ACYP2: variants seen among roughly 807,000 people sequenced by gnomAD.
ACYP2 encodes the protein acylphosphatase 2, also known as acylphosphatase-2.
A neutral mutation model predicts 11.2 loss-of-function variants in ACYP2; 12 were observed. That is an observed-to-expected ratio of 1.08 (90% CI 0.69 to 1.74). The LOEUF (loss-of-function observed/expected upper bound fraction) is 1.74, where lower values mean the gene tolerates loss of function less well. Among genes scored for constraint, ACYP2 ranks in the 40% most tolerant of loss-of-function variants. The pLI is 0.00. For missense variants in ACYP2, 134 were observed against 101.9 expected (o/e 1.31, Z -1.35); for synonymous variants, 43 against 32.2 (o/e 1.33, Z -1.13).
At position 54,042,822 on chromosome 2, in the gene ACYP2, G is replaced by A. The variant is rs115788544; in HGVS notation, c.63-8136G>A. ...TTTACAATGCAGACTCTCGTTTCAC[G>A]AATCCAAGTTGGAGATCAGAGAGAG... On this transcript the variant is annotated intron_variant, in intron 2 of 6. Coordinates refer to ENST00000607452, the MANE Select transcript of ACYP2 (RefSeq NM_001320586.2). Among the ~76,000 whole-genome samples the A allele has an allele frequency of 2.8e-3, 432 of 152,300 alleles. 1 individual carries two copies. The highest frequency in any genetic ancestry group is 0.017 in the Middle Eastern group (5 of 294).
intron 2 of ACYP2, among the ~76,000 whole-genome samples, chr2:54,001,158 C>T (rs191952366): frequency 1.3e-5 from 2 of 152,214 alleles, no homozygotes; most frequent in East Asian, 3.9e-4. Flanking sequence ...ACTTCAAGAC[C>T]AGCCTGGACA....
chr2:54,145,666 T>C (rs1015103894), intron 6 of ACYP2, among the ~76,000 whole-genome samples: 4 of 152,202 alleles, frequency 2.6e-5, no homozygotes, highest in Admixed American at 1.3e-4. Flanking sequence ...CATTATATTA[T>C]TCACCTGTAA....
At chr2:54,144,503 G>A (rs1157372117) in intron 6 of ACYP2, among the ~76,000 whole-genome samples, 2 of 151,710 alleles carry the variant, frequency 1.3e-5, no homozygotes, top group African/African-American at 4.8e-5. Context: ...GTGAAACCCC[G>A]TCTCTACTAA....
At chr2:53,992,174 TC>T (rs939434870) in intron 2 of ACYP2, among the ~76,000 whole-genome samples, 3 of 149,972 alleles carry the variant, frequency 2.0e-5, no homozygotes, top group Non-Finnish European at 4.4e-5. Flanking sequence ...CTACTTTTTT[TC>T]TTCCTTCCTT....
chr2:54,152,881 C>T (rs1487910083), intron 6 of ACYP2, among the ~76,000 whole-genome samples: 1 of 152,034 alleles, frequency 6.6e-6, no homozygotes, highest in Non-Finnish European at 1.5e-5. Context: ...CCAGGCTGGT[C>T]TCAAAACCTG....
chr2:54,166,458 C>G (rs1682979440), intron 6 of ACYP2, among the ~76,000 whole-genome samples: 1 of 152,128 alleles, frequency 6.6e-6, no homozygotes, highest in Admixed American at 6.5e-5. Context: ...ACTCTTGAGA[C>G]TGAATAAAGG....
chr2:54,223,904 ATTGTT>A (rs1419872443), intron 6 of ACYP2, among the ~76,000 whole-genome samples: 1 of 152,176 alleles, frequency 6.6e-6, no homozygotes, highest in African/African-American at 2.4e-5. Flanking sequence ...CGTAACAAAT[ATTGTT>A]TTATTTATTA....
At chr2:54,093,236 G>C (rs1185844902) in intron 4 of ACYP2, among the ~76,000 whole-genome samples, 1 of 152,082 alleles carries the variant, frequency 6.6e-6, no homozygotes, top group African/African-American at 2.4e-5. Flanking sequence ...AATATCTAAG[G>C]GTGATAAAAA....
At chr2:54,083,822 T>C (rs1677799531) in intron 4 of ACYP2, among the ~76,000 whole-genome samples, 1 of 152,144 alleles carries the variant, frequency 6.6e-6, no homozygotes, top group Admixed American at 6.5e-5. Context: ...CCCATAAAAT[T>C]GACCTTGAAA....
chr2:54,183,934 C>G (rs1018736817), intron 6 of ACYP2, among the ~76,000 whole-genome samples: 1 of 152,080 alleles, frequency 6.6e-6, no homozygotes, highest in Non-Finnish European at 1.5e-5. Flanking sequence ...GCTACATGTA[C>G]AGATGTTCAC....
chr2:54,304,860 G>T lies in ACYP2; in HGVS notation c.*58G>T. The T allele has an allele frequency of 3.6e-5, 32 of 883,458 alleles. No homozygotes were observed. Among genetic ancestry groups the T allele is most frequent in the East Asian group, 6.2e-5 (2 of 32,290 alleles). The allele number at this position is 883,458 out of a possible 1,614,324, so 54.7% of individuals were successfully genotyped here. A position where few individuals can be genotyped will look rare whatever the true frequency, so the allele number is the denominator to read the frequency against. On this transcript the variant is annotated 3_prime_UTR_variant, in exon 7 of 7. Transcript: ENST00000607452. Reference sequence around the variant, plus strand: ...AGATACTGTATGTTCTTAAGACTATGTATACTAGAATAATAGTAGCAGAGT... The same window carrying T: ...AGATACTGTATGTTCTTAAGACTATTTATACTAGAATAATAGTAGCAGAGT...
intron 4 of ACYP2, chr2:54,079,802 A>G (rs1677549007): frequency 6.6e-6 from 1 of 152,256 alleles, no homozygotes; most frequent in African/African-American, 2.4e-5. Flanking sequence ...TACAGAAGTG[A>G]ACATTTAAAC....
At chr2:53,982,001 A>G (rs1671788479) in intron 2 of ACYP2, among the ~76,000 whole-genome samples, 2 of 152,200 alleles carry the variant, frequency 1.3e-5, no homozygotes, top group Admixed American at 6.5e-5. Context: ...TTGTCAAGCT[A>G]TGAATAATGT....
intron 4 of ACYP2, among the ~76,000 whole-genome samples, chr2:54,093,443 A>G (rs1678340291): frequency 6.6e-6 from 1 of 152,228 alleles, no homozygotes; most frequent in African/African-American, 2.4e-5. Flanking sequence ...CTTTGACTCA[A>G]ATCTAATTTT....
At chr2:54,065,462 C>T in intron 4 of ACYP2, 1 of 398,554 alleles carries the variant, frequency 2.5e-6, no homozygotes, top group Non-Finnish European at 4.4e-6. Flanking sequence ...TTCTTTAGAT[C>T]CAGACTCTGA....
rs373474151 is a variant in ACYP2 at position 54,290,765 on chromosome 2, C to G, written c.405-13923C>G. Among the ~76,000 whole-genome samples the G allele has an allele frequency of 1.8e-4, 28 of 152,162 alleles. No individual in the cohort carries two copies. In the South Asian group the frequency reaches 5.8e-3, roughly 32 times the overall value. ...AGGGTGAAAACGCAGGCGTGTCTGG[C>G]CAACTCATTTTTCATTTGGCTTCAT... On this transcript the variant is annotated intron_variant, in intron 6 of 6. Transcript: ENST00000607452.
chr2:54,078,149 G>C lies in ACYP2; in HGVS notation c.277+20789G>C, dbSNP rs191993013. On this transcript the variant is annotated intron_variant, in intron 4 of 6. Transcript: ENST00000607452. Reference sequence around the variant, plus strand: ...TTTAGTAGACATGGGGTTTCACCAGGTTGGCCAGGCTGGTTTCAAACTCCT... The same window carrying C: ...TTTAGTAGACATGGGGTTTCACCAGCTTGGCCAGGCTGGTTTCAAACTCCT... Among the ~76,000 whole-genome samples, 509 of 151,844 alleles carry C rather than the reference G, an allele frequency of 3.4e-3. 2 individuals carry two copies. Among genetic ancestry groups the C allele is most frequent in the African/African-American group, 0.012 (482 of 41,450 alleles).
intron 5 of ACYP2, among the ~76,000 whole-genome samples, chr2:54,137,852 T>G (rs1478691788): frequency 1.3e-5 from 2 of 152,220 alleles, no homozygotes; most frequent in Non-Finnish European, 2.9e-5. Context: ...TTTGAGGAAT[T>G]GCCACAGTGC....
At chr2:54,019,699 A>G (rs1573534981) in intron 2 of ACYP2, among the ~76,000 whole-genome samples, 1 of 151,942 alleles carries the variant, frequency 6.6e-6, no homozygotes, top group East Asian at 1.9e-4. Flanking sequence ...AGCTCACTGC[A>G]GCCTCTGCCT....
Sources: gnomAD v4.1 joint callset for allele counts (sites outside exome capture counted in the v4.1 genomes callset) on GRCh38, gnomAD v4.1.1 for gene constraint, MANE v1.5 for transcripts, NCBI Gene and HGNC (gene_info 2026-07-23, HGNC 2026-07-21) for gene names.